Variants in RIMS1 observed in about 807,000 individuals in gnomAD.
RIMS1 encodes the protein regulating synaptic membrane exocytosis 1, also known as regulating synaptic membrane exocytosis protein 1.
In RIMS1, 83 loss-of-function variants were observed where a neutral mutation model predicts 214.1. That is an observed-to-expected ratio of 0.39 (90% CI 0.32 to 0.47). The LOEUF is 0.47. Ranked by LOEUF, RIMS1 falls within the 20% of genes least tolerant of loss-of-function variation. The pLI is 0.99. For missense variants in RIMS1, 2,050 were observed against 2,161.8 expected, an observed-to-expected ratio of 0.95 and a Z score of 1.03; for synonymous variants, 793 against 786.8, an observed-to-expected ratio of 1.01 and a Z score of -0.13.
chr6:72,227,309 G>C (rs894709493), intron 6 of RIMS1, among the ~76,000 whole-genome samples: 1 of 151,916 alleles, frequency 6.6e-6, no homozygotes, highest in African/African-American at 2.4e-5. Flanking sequence ...AATGCAAAAT[G>C]TTTTTAGTAT....
At chr6:72,060,501 T>A (rs1391860259) in intron 2 of RIMS1, among the ~76,000 whole-genome samples, 1 of 152,194 alleles carries the variant, frequency 6.6e-6, no homozygotes, top group Non-Finnish European at 1.5e-5. Context: ...TTGTTCTGCC[T>A]TATTTTCTGC....
chr6:72,220,276 G>A (rs1319501570), intron 6 of RIMS1, among the ~76,000 whole-genome samples: 1 of 152,036 alleles, frequency 6.6e-6, no homozygotes, highest in Non-Finnish European at 1.5e-5. Context: ...TTAACCATTT[G>A]TTCTTAACTT....
intron 1 of RIMS1, among the ~76,000 whole-genome samples, chr6:71,919,383 A>G (rs1779337523): frequency 6.6e-6 from 1 of 152,072 alleles, no homozygotes; most frequent in South Asian, 2.1e-4. Context: ...TGGTATAATA[A>G]ATATAAACAG....
chr6:72,099,661 T>G (rs2033040411), intron 3 of RIMS1, among the ~76,000 whole-genome samples: 1 of 152,138 alleles, frequency 6.6e-6, no homozygotes, highest in Non-Finnish European at 1.5e-5. Flanking sequence ...GGTAGTGAAT[T>G]AACCTTCTTT....
At chr6:72,122,842 T>C (rs1395314467) in intron 4 of RIMS1, among the ~76,000 whole-genome samples, 1 of 151,900 alleles carries the variant, frequency 6.6e-6, no homozygotes, top group African/African-American at 2.4e-5. Context: ...TCATTTTTTA[T>C]TGCATATATT....
rs142456453 is a variant in RIMS1, at chr6:72,078,012, C to T, written c.246-18937C>T. 9.2e-5 allele frequency among the ~76,000 whole-genome samples: 14 copies of T among 152,272 alleles called. No individual in the cohort carries two copies. The East Asian group carries it at 9.6e-4, about 10-fold the overall frequency. ...AATCCCCCCTTGCCTCATGCCTCTA[C>T]GCTTTTGTTTACTATGATGGTATTT... On this transcript the variant is annotated intron_variant, in intron 2 of 33. Transcript: ENST00000521978.
chr6:72,064,801 C>T (rs554887371), intron 2 of RIMS1, among the ~76,000 whole-genome samples: 11 of 152,072 alleles, frequency 7.2e-5, no homozygotes, highest in South Asian at 2.1e-4. Context: ...AATACAGGTG[C>T]GGGGTTCTGT....
At chr6:72,395,656 G>T (rs2098765749) in intron 31 of RIMS1, among the ~76,000 whole-genome samples, 1 of 152,018 alleles carries the variant, frequency 6.6e-6, no homozygotes, top group Non-Finnish European at 1.5e-5. Flanking sequence ...GAGCAGAAAA[G>T]TGAGGTCTAA....
intron 6 of RIMS1, among the ~76,000 whole-genome samples, chr6:72,201,374 T>C (rs2051952942): frequency 6.6e-6 from 1 of 152,240 alleles, no homozygotes; most frequent in African/African-American, 2.4e-5. Context: ...ATATTGAAGA[T>C]TTCAGTATCA....
At chr6:72,323,663 A>T (rs183426613) in intron 28 of RIMS1, among the ~76,000 whole-genome samples, 3 of 152,030 alleles carry the variant, frequency 2.0e-5, no homozygotes, top group Admixed American at 2.0e-4. Context: ...TTGAATACTG[A>T]ATTACAGACC....
chr6:72,038,118 A>AATATATATATATATATATATAT (rs70994111), intron 2 of RIMS1, among the ~76,000 whole-genome samples: 2 of 13,416 alleles, frequency 1.5e-4, no homozygotes, highest in African/African-American at 3.3e-4. Context: ...AAAAAAAAAA[A>AATATATATATATATATATATAT]ATATATATAT....
intron 2 of RIMS1, among the ~76,000 whole-genome samples, chr6:72,065,083 T>C (rs1415481397): frequency 6.6e-6 from 1 of 152,216 alleles, no homozygotes; most frequent in Non-Finnish European, 1.5e-5. Context: ...TGATTAGTTA[T>C]TAATTATCTG....
chr6:71,892,043 G>A (rs960896), intron 1 of RIMS1, among the ~76,000 whole-genome samples: 1 of 152,166 alleles, frequency 6.6e-6, no homozygotes, highest in Non-Finnish European at 1.5e-5. Flanking sequence ...TTGGTCCTGT[G>A]AGTTGGGTAT....
In RIMS1 at chr6:72,255,456, C is replaced by T. The variant is rs547511508; in HGVS notation, c.2770+2624C>T. On this transcript the variant is annotated intron_variant, in intron 16 of 33. Coordinates refer to ENST00000521978, the MANE Select transcript of RIMS1 (RefSeq NM_014989.7). ...CTAATGCCTTGGCTTTTCTAGAACA[C>T]GAAATTCTCTGTTTTTATTTGATGT... is the stretch of plus-strand genomic sequence containing the variant. 5.2e-4 allele frequency among the ~76,000 whole-genome samples: 79 copies of T among 152,238 alleles called. No homozygotes were observed. In the South Asian group the frequency reaches 0.01, roughly 20 times the overall value.
intron 4 of RIMS1, among the ~76,000 whole-genome samples, chr6:72,119,884 A>G (rs568512792): frequency 1.3e-5 from 2 of 151,600 alleles, no homozygotes; most frequent in Admixed American, 1.3e-4. Flanking sequence ...ATTCCCACCT[A>G]TGAATGAGAA....
At chr6:72,057,230 G>A (rs567418854) in intron 2 of RIMS1, among the ~76,000 whole-genome samples, 1 of 152,202 alleles carries the variant, frequency 6.6e-6, no homozygotes, top group Non-Finnish European at 1.5e-5. Flanking sequence ...GATTTCGTTT[G>A]TTGCTGAGAT....
intron 4 of RIMS1, among the ~76,000 whole-genome samples, chr6:72,171,606 C>G (rs899084227): frequency 6.6e-6 from 1 of 151,974 alleles, no homozygotes; most frequent in Non-Finnish European, 1.5e-5. Context: ...CTATTATTAC[C>G]CCCTGTCTAT....
intron 29 of RIMS1, among the ~76,000 whole-genome samples, chr6:72,385,294 G>A (rs560706160): frequency 6.6e-6 from 1 of 152,124 alleles, no homozygotes; most frequent in African/African-American, 2.4e-5. Context: ...GGACTATATT[G>A]ACATTAAACA....
intron 2 of RIMS1, among the ~76,000 whole-genome samples, chr6:72,053,291 A>G (rs1825233974): frequency 6.6e-6 from 1 of 152,122 alleles, no homozygotes; most frequent in African/African-American, 2.4e-5. Flanking sequence ...GTCTCCTTCA[A>G]TCTGATTTTT....
Sources: allele counts gnomAD v4.1 joint callset (sites outside exome capture counted in the v4.1 genomes callset), GRCh38; gene constraint gnomAD v4.1.1; transcripts MANE v1.5; gene names NCBI Gene and HGNC (gene_info 2026-07-23, HGNC 2026-07-21).